GRHL1: variants seen among roughly 807,000 people sequenced by gnomAD.
The protein encoded by GRHL1 is grainyhead like transcription factor 1.
In GRHL1, 38 loss-of-function variants were observed where a neutral mutation model predicts 75.7. The ratio of observed to expected loss-of-function variants is 0.50; its 90% confidence interval spans 0.39 to 0.66. GRHL1 has a LOEUF of 0.66. Ranked by LOEUF, GRHL1 falls within the 30% of genes least tolerant of loss-of-function variation. The probability of loss-of-function intolerance (pLI) is 0.00; values close to 1 mark genes in which losing one functional copy is unlikely to be tolerated. For missense variants in GRHL1, 589 were observed against 767.5 expected, an observed-to-expected ratio of 0.77 and a Z score of 2.75; for synonymous variants, 266 against 279.4, an observed-to-expected ratio of 0.95 and a Z score of 0.48.
intron 15 of GRHL1, 48 bp from the exon 16 acceptor site, chr2:10,000,545 A>G (rs1357162146): frequency 4.7e-6 from 5 of 1,072,478 alleles, no homozygotes; most frequent in Non-Finnish European, 7.3e-6. Context: ...GTCTGACTCC[A>G]GGACCAAGTG....
Position 9,999,021 on chromosome 2 carries a change from TA to T in GRHL1, c.1739del (p.Lys580ArgfsTer5). The T allele has an allele frequency of 2.6e-6, 4 of 1,560,194 alleles. No individual in the cohort carries two copies. Among genetic ancestry groups the T allele is most frequent in the Admixed American group, 1.8e-5 (1 of 56,298 alleles). ...AGATTGGGAAAATATTCAAGAAGTG[TA>T]AAAAGGGGTAAGCAGCCACTGCGTC... ...DKIGKIFKKC[K>X]KGILVNMDDN... On this transcript the variant is annotated frameshift_variant, in exon 15 of 16. Coordinates refer to ENST00000324907, the MANE Select transcript of GRHL1 (RefSeq NM_198182.3). LOFTEE classifies it high-confidence loss of function.
chr2:9,961,467 C>A, intron 4 of GRHL1, 31 bp downstream of exon 4: 1 of 1,566,530 alleles, frequency 6.4e-7, no homozygotes, highest in South Asian at 1.2e-5. Flanking sequence ...TCCTAAGACG[C>A]CTGCGTGTTT....
chr2:9,971,179 ACATATTGCTTG>A (rs900259612), intron 8 of GRHL1, among the ~76,000 whole-genome samples: 80 of 152,298 alleles, frequency 5.3e-4, no homozygotes, highest in African/African-American at 1.9e-3. Flanking sequence ...TTTGGACTGA[ACATATTGCTTG>A]CATTTATCAG....
chr2:9,953,005 G>T, intron 1 of GRHL1: 1 of 456,764 alleles, frequency 2.2e-6, no homozygotes, highest in Non-Finnish European at 4.4e-6. Context: ...TGAGCCTTCG[G>T]CGACTGAAGC....
At chr2:9,960,108 C>G (rs1667206897) in intron 3 of GRHL1, 1 of 152,184 alleles carries the variant, frequency 6.6e-6, no homozygotes, top group Admixed American at 6.5e-5. Flanking sequence ...GCAGATGTGT[C>G]TACTGATGCA....
chr2:9,955,915 T>C (rs1667002463), intron 2 of GRHL1, among the ~76,000 whole-genome samples: 1 of 152,236 alleles, frequency 6.6e-6, no homozygotes, highest in African/African-American at 2.4e-5. Context: ...AGGGTGCTAC[T>C]TAAAACAGCA....
chr2:9,999,060 GAAAGTGCTGATGCCCCCCGC>G, intron 15 of GRHL1, 31 bp downstream of exon 15: 1 of 1,281,978 alleles, frequency 7.8e-7, no homozygotes, highest in Non-Finnish European at 1.1e-6. Flanking sequence ...GTGTACCTCG[GAAAGTGCTGATGCCCCCCGC>G]AGTGCTAGTG....
intron 14 of GRHL1, among the ~76,000 whole-genome samples, chr2:9,997,005 T>C (rs751303523): frequency 6.6e-6 from 1 of 152,228 alleles, no homozygotes; most frequent in Non-Finnish European, 1.5e-5. Flanking sequence ...GAAAAACGCA[T>C]GTCATCAGCA....
intron 12 of GRHL1, 74 bp downstream of exon 12, chr2:9,993,318 C>T: frequency 8.2e-7 from 1 of 1,225,782 alleles, no homozygotes; most frequent in Non-Finnish European, 1.2e-6. Context: ...ACTGCAAGTA[C>T]AGTACAAAGA....
chr2:9,984,607 C>A (rs1049056674), intron 8 of GRHL1, among the ~76,000 whole-genome samples: 2 of 150,504 alleles, frequency 1.3e-5, no homozygotes, highest in Non-Finnish European at 2.9e-5. Context: ...TGATTTGGAG[C>A]CCAGGAGAGA....
chr2:9,964,511 T>C, intron 7 of GRHL1, 165 bp downstream of exon 7: 1 of 573,270 alleles, frequency 1.7e-6, no homozygotes, highest in Non-Finnish European at 3.1e-6. Flanking sequence ...GAACCAGTGC[T>C]CTCACCATTG....
In GRHL1 at chr2:9,965,313, A is replaced by G. The variant is rs753673674; in HGVS notation, c.1042A>G (p.Ile348Val). The change falls in exon 8 of 16, where the codon ATC becomes GTC. Residue 348 changes from isoleucine (I) to valine (V), a missense_variant. Ile to Val is a conservative substitution (Grantham distance 29, BLOSUM62 3). Transcript: ENST00000324907. ...IADYKESFNT[I>V]SNIEEIAYNA... ...TGACTATAAAGAAAGCTTCAACACT[A>G]TCAGTAACATCGAGGAGATTGCGTA... The G allele has an allele frequency of 2.0e-5, 32 of 1,608,724 alleles. No individual in the cohort carries two copies. Among genetic ancestry groups the G allele is most frequent in the Admixed American group, 8.3e-5 (5 of 59,976 alleles).
chr2:9,953,637 A>AT (rs545895626), intron 1 of GRHL1, among the ~76,000 whole-genome samples: 14 of 151,710 alleles, frequency 9.2e-5, no homozygotes, highest in South Asian at 4.1e-4. Context: ...ACATTGTTGG[A>AT]TTTTTTTCCC....
intron 14 of GRHL1, among the ~76,000 whole-genome samples, chr2:9,998,533 C>CGT (rs1669015545): frequency 2.1e-5 from 1 of 46,770 alleles, no homozygotes; most frequent in Non-Finnish European, 3.6e-5. Flanking sequence ...CATATATATA[C>CGT]GTATATATAC....
chr2:9,957,089 C>T (rs1204070810), intron 2 of GRHL1, among the ~76,000 whole-genome samples: 2 of 151,660 alleles, frequency 1.3e-5, no homozygotes, highest in Non-Finnish European at 1.5e-5. Flanking sequence ...CAACCTCAAC[C>T]TCCTGGGGTT....
At chr2:9,972,192 CTTTTTTTT>C (rs79565280) in intron 8 of GRHL1, among the ~76,000 whole-genome samples, 5 of 134,754 alleles carry the variant, frequency 3.7e-5, no homozygotes, top group African/African-American at 1.1e-4. Context: ...ATTCCTTTTT[CTTTTTTTT>C]TTTTTTTGGT....
At chr2:9,971,297 CA>C (rs982072896) in intron 8 of GRHL1, among the ~76,000 whole-genome samples, 3 of 152,118 alleles carry the variant, frequency 2.0e-5, no homozygotes, top group African/African-American at 7.2e-5. Flanking sequence ...GTTTGTTTCA[CA>C]ACTTTAAATT....
chr2:9,983,938 T>C (rs565864046), intron 8 of GRHL1, among the ~76,000 whole-genome samples: 1 of 151,826 alleles, frequency 6.6e-6, no homozygotes, highest in East Asian at 1.9e-4. Context: ...GGGCGGATCA[T>C]GAGGTCAGGA....
intron 9 of GRHL1, among the ~76,000 whole-genome samples, 182 bp downstream of exon 9, chr2:9,986,464 C>T (rs1414235945): frequency 6.6e-6 from 1 of 152,090 alleles, no homozygotes. Context: ...GTCTCCCAGG[C>T]TGGAGTGAAG....
Sources: allele counts gnomAD v4.1 joint callset (sites outside exome capture counted in the v4.1 genomes callset), GRCh38; gene constraint gnomAD v4.1.1; transcripts MANE v1.5; gene names NCBI Gene and HGNC (gene_info 2026-07-23, HGNC 2026-07-21).